The following GPHN variants were observed in gnomAD, a reference collection of about 807,000 sequenced individuals.
GPHN encodes the protein gephyrin.
A neutral mutation model predicts 95.5 loss-of-function variants in GPHN; 17 were observed. That is an observed-to-expected ratio of 0.18 (90% CI 0.12 to 0.27). GPHN has a LOEUF of 0.27. GPHN is among the 10% of genes least tolerant of loss of function. The probability of loss-of-function intolerance (pLI) is 1.00; values close to 1 mark genes in which losing one functional copy is unlikely to be tolerated. For synonymous variants in GPHN, 320 were observed against 322.5 expected, an observed-to-expected ratio of 0.99 and a Z score of 0.08; for missense variants, 660 against 978.1, an observed-to-expected ratio of 0.67 and a Z score of 4.34.
At chr14:67,070,327 T>G (rs1390419520) in intron 11 of GPHN, among the ~76,000 whole-genome samples, 1 of 94,930 alleles carries the variant, frequency 1.1e-5, no homozygotes, top group East Asian at 6.3e-4. Context: ...TTTTAAATAT[T>G]TTTATATATA....
chr14:67,279,268 G>A, the GPHN span: 63 of 1,613,886 alleles, frequency 3.9e-5, no homozygotes, highest in African/African-American at 1.5e-4. Context: ...CAGAAGCACC[G>A]AGAGATGGCT....
At chr14:66,713,852 T>C (rs965814960) in intron 2 of GPHN, among the ~76,000 whole-genome samples, 2 of 152,148 alleles carry the variant, frequency 1.3e-5, no homozygotes, top group African/African-American at 4.8e-5. Context: ...CACTGCAACC[T>C]CCACCTCCCA....
chr14:66,813,361 G>C (rs2060836939), intron 3 of GPHN, among the ~76,000 whole-genome samples: 1 of 152,204 alleles, frequency 6.6e-6, no homozygotes, highest in Non-Finnish European at 1.5e-5. Context: ...GATCTTTACA[G>C]GGAAGGCATC....
intron 1 of GPHN, among the ~76,000 whole-genome samples, chr14:66,523,954 C>G (rs1432159907): frequency 6.6e-6 from 1 of 151,954 alleles, no homozygotes; most frequent in Non-Finnish European, 1.5e-5. Flanking sequence ...TGTCTTCCAG[C>G]TTAAGTTTTG....
At chr14:67,712,843 C>A in the GPHN span, among the ~76,000 whole-genome samples, 2 of 151,880 alleles carry the variant, frequency 1.3e-5, no homozygotes, top group Non-Finnish European at 2.9e-5. Context: ...AAAAAGGTGG[C>A]CTTGTTATGA....
chr14:67,239,518 C>T, the GPHN span, among the ~76,000 whole-genome samples: 1 of 152,152 alleles, frequency 6.6e-6, no homozygotes. Context: ...AATTCATTGA[C>T]GAGCTGGAGG....
intron 17 of GPHN, among the ~76,000 whole-genome samples, chr14:67,134,152 G>A (rs2079897526): frequency 6.6e-6 from 1 of 152,218 alleles, no homozygotes; most frequent in Non-Finnish European, 1.5e-5. Context: ...CCAAGGGGGT[G>A]TTAAGGAAAA....
At chr14:67,197,190 A>G in the GPHN span, 1 of 152,230 alleles carries the variant, frequency 6.6e-6, no homozygotes, top group Admixed American at 6.5e-5. Flanking sequence ...TGGCCTCCCA[A>G]AGTGCTGGGA....
the GPHN span, chr14:67,574,293 C>G: frequency 2.5e-6 from 4 of 1,608,624 alleles, no homozygotes; most frequent in South Asian, 3.3e-5. The surrounding 1 kb of genome is among the most constrained non-coding windows in gnomAD (Gnocchi z 4.2). Flanking sequence ...ACCCAGCCTG[C>G]TGGAGGAGTG....
chr14:66,768,591 A>G (rs1402665577), intron 2 of GPHN, among the ~76,000 whole-genome samples: 1 of 152,010 alleles, frequency 6.6e-6, no homozygotes, highest in Non-Finnish European at 1.5e-5. Flanking sequence ...AATTATAAAC[A>G]TACATGTACC....
chr14:67,695,677 C>T, the GPHN span: 3 of 1,614,208 alleles, frequency 1.9e-6, no homozygotes, highest in Non-Finnish European at 2.5e-6. Context: ...GAAGGAGGAG[C>T]AACAGCGGGA....
At chr14:66,735,655 C>T (rs1281534841) in intron 2 of GPHN, among the ~76,000 whole-genome samples, 1 of 152,088 alleles carries the variant, frequency 6.6e-6, no homozygotes, top group Non-Finnish European at 1.5e-5. Context: ...ACACCCAGAG[C>T]ACCTTGAACT....
the GPHN span, among the ~76,000 whole-genome samples, chr14:67,201,269 GGAT>G: frequency 6.6e-6 from 1 of 152,082 alleles, no homozygotes; most frequent in African/African-American, 2.4e-5. Context: ...ACTCCAGCCT[GGAT>G]GATAAGACAA....
chr14:67,201,442 C>T, the GPHN span: 1 of 456,100 alleles, frequency 2.2e-6, no homozygotes, highest in Non-Finnish European at 4.4e-6. Context: ...CAGCTCCCCT[C>T]AGGGCCTCAC....
intron 9 of GPHN, chr14:66,969,051 C>G (rs1036842803): frequency 2.0e-5 from 3 of 152,030 alleles, no homozygotes; most frequent in Non-Finnish European, 2.9e-5. Context: ...TCATTACAAC[C>G]TAATGAAGAT....
At chr14:67,622,178 C>G in the GPHN span, among the ~76,000 whole-genome samples, 1 of 152,206 alleles carries the variant, frequency 6.6e-6, no homozygotes, top group South Asian at 2.1e-4. Context: ...GCCATTTGCT[C>G]TGTTCATGTT....
At chr14:66,604,329 A>G (rs566112989) in intron 1 of GPHN, among the ~76,000 whole-genome samples, 1 of 152,234 alleles carries the variant, frequency 6.6e-6, no homozygotes, top group South Asian at 2.1e-4. Context: ...ATTATTTTCC[A>G]AAGTTATTCT....
intron 3 of GPHN, among the ~76,000 whole-genome samples, chr14:66,817,357 A>G (rs754438626): frequency 5.3e-5 from 8 of 152,158 alleles, no homozygotes; most frequent in African/African-American, 9.7e-5. Context: ...TTATTTAAAT[A>G]TAATACATCA....
intron 2 of GPHN, among the ~76,000 whole-genome samples, chr14:66,739,520 C>CTTTTTTTTT (rs556885727): frequency 7.4e-6 from 1 of 135,216 alleles, no homozygotes; most frequent in African/African-American, 2.7e-5. Context: ...CCGGCCCCTG[C>CTTTTTTTTT]TTTTTTTTTT....
Sources: allele counts gnomAD v4.1 joint callset (sites outside exome capture counted in the v4.1 genomes callset), GRCh38; gene constraint gnomAD v4.1.1; non-coding constraint Gnocchi (gnomAD v3.1); transcripts MANE v1.5; gene names NCBI Gene and HGNC (gene_info 2026-07-23, HGNC 2026-07-21).